MYO9A: variants seen among roughly 807,000 people sequenced by gnomAD.
MYO9A encodes unconventional myosin-IXa.
Under a neutral mutation model 293.3 loss-of-function variants are expected in MYO9A, and 103 were observed. That is an observed-to-expected ratio of 0.35 (90% confidence interval 0.30 to 0.41). The LOEUF (loss-of-function observed/expected upper bound fraction) is 0.41, where lower values mean the gene tolerates loss of function less well. Among genes scored for constraint, MYO9A ranks in the 10% least tolerant of loss-of-function variants. MYO9A has a pLI of 1.00. For synonymous variants in MYO9A, 1,001 were observed against 1,035.7 expected (o/e 0.97, Z 0.64); for missense variants, 2,685 against 3,033.0 (o/e 0.89, Z 2.69).
At chr15:71,931,583 T>G (rs141153796) in intron 18 of MYO9A, among the ~76,000 whole-genome samples, 225 of 152,336 alleles carry the variant, frequency 1.5e-3, no homozygotes, top group African/African-American at 4.7e-3. Flanking sequence ...TCTCTTTGGA[T>G]GGATAGTATT....
At chr15:71,973,884 A>C (rs1311899555) in intron 12 of MYO9A, among the ~76,000 whole-genome samples, 1 of 152,186 alleles carries the variant, frequency 6.6e-6, no homozygotes, top group African/African-American at 2.4e-5. Flanking sequence ...CAAAATGCCA[A>C]TAAGAACTGT....
chr15:71,983,457 ATTTT>A (rs1186666843), intron 11 of MYO9A, among the ~76,000 whole-genome samples: 1 of 80,568 alleles, frequency 1.2e-5, no homozygotes, highest in Non-Finnish European at 2.7e-5. Flanking sequence ...ATAGTTTTTT[ATTTT>A]TTTTATTTCT....
At chr15:71,827,139 G>A in intron 41 of MYO9A, 96 bp from the exon 42 acceptor site, 1 of 968,024 alleles carries the variant, frequency 1.0e-6, no homozygotes, top group Non-Finnish European at 1.5e-6. Context: ...CATGAAATTG[G>A]GTGGGATAAG....
intron 2 of MYO9A, chr15:72,040,011 C>T: frequency 5.5e-6 from 1 of 182,744 alleles, no homozygotes; most frequent in African/African-American, 2.4e-5. Flanking sequence ...CAGCAGCAAT[C>T]TGGTCTCTCC....
intron 1 of MYO9A, among the ~76,000 whole-genome samples, chr15:72,088,298 A>G (rs2079805989): frequency 6.6e-6 from 1 of 152,232 alleles, no homozygotes; most frequent in Non-Finnish European, 1.5e-5. Flanking sequence ...AATAAACTCT[A>G]TAGAATACTA....
intron 1 of MYO9A, among the ~76,000 whole-genome samples, chr15:72,060,859 G>A (rs768443265): frequency 7.9e-5 from 12 of 152,242 alleles, no homozygotes; most frequent in Non-Finnish European, 1.8e-4. Context: ...ACCAGCTAGG[G>A]CAGCCCAAAC....
At chr15:71,835,372 G>T (rs1567180757) in intron 39 of MYO9A, among the ~76,000 whole-genome samples, 1 of 152,150 alleles carries the variant, frequency 6.6e-6, no homozygotes, top group Non-Finnish European at 1.5e-5. Context: ...TGAATGATAT[G>T]ACTGTACAGG....
intron 1 of MYO9A, among the ~76,000 whole-genome samples, chr15:72,072,138 C>T (rs1454135289): frequency 2.1e-5 from 3 of 142,712 alleles, no homozygotes; most frequent in African/African-American, 7.6e-5. Context: ...CATTCTTTTT[C>T]TTTTTTTTTT....
chr15:72,032,241 A>G (rs952966928), intron 3 of MYO9A, among the ~76,000 whole-genome samples: 5 of 152,182 alleles, frequency 3.3e-5, no homozygotes, highest in African/African-American at 9.7e-5. Context: ...GAACAAATGT[A>G]TGCATAATAT....
At chr15:72,071,530 C>CAGG (rs1163010613) in intron 1 of MYO9A, among the ~76,000 whole-genome samples, 6 of 152,140 alleles carry the variant, frequency 3.9e-5, no homozygotes, top group Non-Finnish European at 2.9e-5. Flanking sequence ...CACTTGAGAT[C>CAGG]AGGAGTTCAA....
intron 16 of MYO9A, among the ~76,000 whole-genome samples, chr15:71,936,524 G>A (rs945739076): frequency 1.3e-5 from 2 of 152,126 alleles, no homozygotes; most frequent in African/African-American, 2.4e-5. Context: ...TATTTGAGAC[G>A]ACGAATATGG....
Position 72,048,763 on chromosome 15 carries a change from T to C in MYO9A, c.-71-2129A>G, listed in dbSNP as rs2078467781. 3.3e-5 allele frequency among the ~76,000 whole-genome samples: 5 copies of C among 152,334 alleles called. No homozygotes were observed. The South Asian group carries it at 1.0e-3, about 32-fold the overall frequency. Reference sequence around the variant, plus strand: ...GTTTACTATCGTGAAAAAAAACCTTTTCAGATTTTAATACTGCATTGACTT... The same window carrying C: ...GTTTACTATCGTGAAAAAAAACCTTCTCAGATTTTAATACTGCATTGACTT... On this transcript the variant is annotated intron_variant, in intron 1 of 41. Coordinates refer to ENST00000356056, the MANE Select transcript of MYO9A (RefSeq NM_006901.4).
intron 21 of MYO9A, among the ~76,000 whole-genome samples, 156 bp from the exon 22 acceptor site, chr15:71,903,219 G>A (rs191003745): frequency 2.2e-4 from 33 of 151,994 alleles, no homozygotes; most frequent in Non-Finnish European, 2.6e-4. Context: ...AGGTTAATTC[G>A]GAAAACATAG....
At chr15:72,098,668 G>T (rs1263283462) in intron 1 of MYO9A, among the ~76,000 whole-genome samples, 1 of 152,060 alleles carries the variant, frequency 6.6e-6, no homozygotes, top group Non-Finnish European at 1.5e-5. Context: ...AAGAAAGTAG[G>T]AAGGAAATAA....
intron 1 of MYO9A, among the ~76,000 whole-genome samples, chr15:72,062,139 T>TG (rs1489778284): frequency 7.2e-5 from 11 of 152,206 alleles, no homozygotes; most frequent in African/African-American, 2.7e-4. Flanking sequence ...TACTGGGGCT[T>TG]GGGGTGTACC....
intron 15 of MYO9A, among the ~76,000 whole-genome samples, chr15:71,949,492 C>G (rs1037296890): frequency 6.7e-6 from 1 of 150,168 alleles, no homozygotes; most frequent in African/African-American, 2.5e-5. Context: ...ACCCCTTTAT[C>G]TCTCATTTCC....
intron 19 of MYO9A, among the ~76,000 whole-genome samples, chr15:71,908,790 T>G (rs928067583): frequency 6.6e-6 from 1 of 152,198 alleles, no homozygotes; most frequent in Non-Finnish European, 1.5e-5. Flanking sequence ...TAATATGCAT[T>G]AGGGTTCACT....
At chr15:71,936,216 A>G (rs1168448637) in intron 16 of MYO9A, among the ~76,000 whole-genome samples, 1 of 152,170 alleles carries the variant, frequency 6.6e-6, no homozygotes, top group Non-Finnish European at 1.5e-5. Context: ...AGCCAGACAC[A>G]GAAAGACAAA....
chr15:72,053,332 G>A (rs907659040), intron 1 of MYO9A, among the ~76,000 whole-genome samples: 2 of 152,076 alleles, frequency 1.3e-5, no homozygotes, highest in African/African-American at 2.4e-5. Flanking sequence ...CTTGAACTCA[G>A]GAGGCGCAGG....
Sources: gnomAD v4.1 joint callset for allele counts (sites outside exome capture counted in the v4.1 genomes callset) on GRCh38, gnomAD v4.1.1 for gene constraint, MANE v1.5 for transcripts, NCBI Gene and HGNC (gene_info 2026-07-23, HGNC 2026-07-21) for gene names.